CLNK: variants seen among roughly 807,000 people sequenced by gnomAD.
CLNK encodes cytokine-dependent hematopoietic cell linker.
In CLNK, 74 loss-of-function variants were observed where a neutral mutation model predicts 68.6. The ratio of observed to expected loss-of-function variants is 1.08; its 90% confidence interval spans 0.89 to 1.31. The LOEUF is 1.31. CLNK is among the 50% of genes most tolerant of loss of function. The probability of loss-of-function intolerance (pLI) is 0.00; values close to 1 mark genes in which losing one functional copy is unlikely to be tolerated. For synonymous variants in CLNK, 198 were observed against 172.2 expected, an observed-to-expected ratio of 1.15 and a Z score of -1.17; for missense variants, 553 against 515.3, an observed-to-expected ratio of 1.07 and a Z score of -0.71.
Position 10,501,418 on chromosome 4 carries a change from C to G in CLNK, c.985-7G>C, listed in dbSNP as rs765321966. The G allele has an allele frequency of 6.2e-7, 1 of 1,602,926 alleles. No homozygotes were observed. Among genetic ancestry groups the G allele is most frequent in the Non-Finnish European group, 8.5e-7 (1 of 1,176,542 alleles). On this transcript the variant is annotated splice_polypyrimidine_tract_variant and splice_region_variant and intron_variant, in intron 17 of 18. Transcript: ENST00000226951. ...GGACCAAGAAACTACCATCCTGAAGCAAAAAGAGTAACAGTCATCTTTTCA... is the reference window on the plus strand; with the variant it reads ...GGACCAAGAAACTACCATCCTGAAGGAAAAAGAGTAACAGTCATCTTTTCA...
intron 2 of CLNK, among the ~76,000 whole-genome samples, chr4:10,641,855 G>C (rs1372325011): frequency 6.6e-6 from 1 of 152,140 alleles, no homozygotes; most frequent in Non-Finnish European, 1.5e-5. Context: ...CTGTTCTCAT[G>C]GTAGTGATTA....
At chr4:10,594,980 G>T (rs1721329998) in intron 3 of CLNK, among the ~76,000 whole-genome samples, 1 of 152,154 alleles carries the variant, frequency 6.6e-6, no homozygotes, top group Admixed American at 6.5e-5. Context: ...TGTAATCCCA[G>T]CTACTGGCTG....
At chr4:10,502,519 C>T (rs1717098505) in intron 17 of CLNK, among the ~76,000 whole-genome samples, 1 of 151,946 alleles carries the variant, frequency 6.6e-6, no homozygotes, top group African/African-American at 2.4e-5. Flanking sequence ...CATGGAAAAG[C>T]TCTTCTCCTG....
At chr4:10,687,398 A>C (rs1372896118), upstream of CLNK, among the ~76,000 whole-genome samples, 1 of 152,108 alleles carries the variant, frequency 6.6e-6, no homozygotes, top group East Asian at 1.9e-4. Context: ...GTGACAAGAG[A>C]TCTGAGGTGT....
chr4:10,516,514 A>G (rs1184988144), intron 15 of CLNK, among the ~76,000 whole-genome samples: 2 of 151,708 alleles, frequency 1.3e-5, no homozygotes, highest in Non-Finnish European at 2.9e-5. Context: ...CTTCTGATAC[A>G]CTGGCAATTT....
At chr4:10,515,158 A>G (rs145574240) in intron 15 of CLNK, among the ~76,000 whole-genome samples, 57 of 152,264 alleles carry the variant, frequency 3.7e-4, no homozygotes, top group African/African-American at 1.3e-3. Context: ...GAATCGCTTG[A>G]GCCTGGGAAG....
intron 10 of CLNK, 116 bp downstream of exon 10, chr4:10,541,906 C>A (rs918609939): frequency 1.3e-6 from 1 of 769,258 alleles, no homozygotes; most frequent in Non-Finnish European, 2.1e-6. Flanking sequence ...ATCCGTCTCT[C>A]ACTCTGAAAT....
intron 1 of CLNK, among the ~76,000 whole-genome samples, chr4:10,677,021 CA>C (rs1441003680): frequency 6.7e-6 from 1 of 149,352 alleles, no homozygotes; most frequent in African/African-American, 2.5e-5. Flanking sequence ...GGCAGAACCA[CA>C]TTGATTAGAG....
intron 2 of CLNK, among the ~76,000 whole-genome samples, chr4:10,631,446 AG>A (rs1722886803): frequency 6.6e-6 from 1 of 152,240 alleles, no homozygotes; most frequent in Non-Finnish European, 1.5e-5. Flanking sequence ...ATGAAATGAC[AG>A]GGGAGGAAAG....
intron 17 of CLNK, among the ~76,000 whole-genome samples, chr4:10,504,792 A>C (rs181871746): frequency 6.6e-6 from 1 of 152,354 alleles, no homozygotes; most frequent in Admixed American, 6.5e-5. Flanking sequence ...GTAATGCTGA[A>C]ATTTAAAATA....
intron 2 of CLNK, among the ~76,000 whole-genome samples, chr4:10,637,307 T>C (rs2108872698): frequency 6.6e-6 from 1 of 152,220 alleles, no homozygotes; most frequent in South Asian, 2.1e-4. Context: ...CTGTTCCAGA[T>C]GGGGAAGCTA....
At chr4:10,695,396 G>A in the CLNK span, among the ~76,000 whole-genome samples, 1 of 152,118 alleles carries the variant, frequency 6.6e-6, no homozygotes, top group East Asian at 1.9e-4. Context: ...ATGAATAAAA[G>A]GAAGGAGATT....
At chr4:10,496,676 G>A (rs1208969390) in intron 18 of CLNK, among the ~76,000 whole-genome samples, 5 of 152,222 alleles carry the variant, frequency 3.3e-5, no homozygotes, top group Non-Finnish European at 5.9e-5. Flanking sequence ...CATGAGAACA[G>A]GGTCTGGAGG....
chr4:10,524,408 C>T (rs1560200883), intron 14 of CLNK, among the ~76,000 whole-genome samples: 1 of 152,182 alleles, frequency 6.6e-6, no homozygotes, highest in South Asian at 2.1e-4. Flanking sequence ...TCATGTAATA[C>T]AGTGAGGTCG....
At chr4:10,598,191 G>T in intron 2 of CLNK, 142 bp from the exon 3 acceptor site, 1 of 624,990 alleles carries the variant, frequency 1.6e-6, no homozygotes, top group South Asian at 2.1e-5. Context: ...ATCTCTCTTT[G>T]CATTACCACT....
chr4:10,532,777 A>T (rs561259074), intron 11 of CLNK, among the ~76,000 whole-genome samples: 31 of 152,350 alleles, frequency 2.0e-4, no homozygotes, highest in African/African-American at 7.2e-4. Context: ...CATAAAATTG[A>T]ATGGTAGAGA....
At chr4:10,533,480 G>A (rs1304726124) in intron 11 of CLNK, among the ~76,000 whole-genome samples, 1 of 152,120 alleles carries the variant, frequency 6.6e-6, no homozygotes, top group East Asian at 1.9e-4. Flanking sequence ...AGAGTTTTAG[G>A]AGTCAGGCTA....
Position 10,597,982 on chromosome 4 carries a change from T to A in CLNK, c.79A>T (p.Asn27Tyr). ...TAAACAAGTAAATATTCTGACCTGTTTTTTGGCAGACTGAAGTTCTGGAAT... is the reference window on the plus strand; with the variant it reads ...TAAACAAGTAAATATTCTGACCTGTATTTTGGCAGACTGAAGTTCTGGAAT... ...LKFQNFSLPK[N>Y]RSWPRINSAT... is the part of the protein sequence containing the mutation. The change falls in exon 3 of 19, where the codon AAC (asparagine) becomes TAC (tyrosine). Residue 27 changes from asparagine to tyrosine, a missense_variant. Physicochemically the swap from Asn to Tyr is moderately radical, Grantham distance 143. Coordinates refer to ENST00000226951, the MANE Select transcript of CLNK (RefSeq NM_052964.4). 1 of 1,576,998 alleles carries A rather than the reference T, an allele frequency of 6.3e-7. No homozygotes were observed. The highest frequency in any genetic ancestry group is 1.3e-5 in the African/African-American group (1 of 74,408).
chr4:10,575,713 A>G (rs1043923385), intron 4 of CLNK, among the ~76,000 whole-genome samples: 1 of 152,244 alleles, frequency 6.6e-6, no homozygotes, highest in African/African-American at 2.4e-5. Context: ...TTGCCTTGAT[A>G]GCTGGGCAGA....
Sources: gnomAD v4.1 joint callset for allele counts (sites outside exome capture counted in the v4.1 genomes callset) on GRCh38, gnomAD v4.1.1 for gene constraint, MANE v1.5 for transcripts, NCBI Gene and HGNC (gene_info 2026-07-23, HGNC 2026-07-21) for gene names.